SH3YL1: variants seen among roughly 807,000 people sequenced by gnomAD.
The protein encoded by SH3YL1 is SH3 and SYLF domain containing 1.
Under a neutral mutation model 45.8 loss-of-function variants are expected in SH3YL1, and 41 were observed. The ratio of observed to expected loss-of-function variants is 0.89; its 90% CI spans 0.70 to 1.16. The LOEUF (loss-of-function observed/expected upper bound fraction) is 1.16. Among genes scored for constraint, SH3YL1 ranks in the 50% most tolerant of loss-of-function variants. The probability of loss-of-function intolerance (pLI) is 0.00; values close to 1 mark genes in which losing one functional copy is unlikely to be tolerated. For missense variants in SH3YL1, 389 were observed against 409.6 expected, an observed-to-expected ratio of 0.95 and a Z score of 0.43; for synonymous variants, 152 against 151.4, an observed-to-expected ratio of 1.00 and a Z score of -0.03.
At chr2:226,031 GA>G (rs1667772154) in intron 8 of SH3YL1, among the ~76,000 whole-genome samples, 1 of 152,044 alleles carries the variant, frequency 6.6e-6, no homozygotes, top group African/African-American at 2.4e-5. Context: ...GGGAGGAGGG[GA>G]AAATTAGGAA....
intron 4 of SH3YL1, chr2:243,689 T>C: frequency 9.6e-7 from 1 of 1,046,980 alleles, no homozygotes. Flanking sequence ...CCTTAGTACC[T>C]TAAGTTTCTT....
intron 8 of SH3YL1, among the ~76,000 whole-genome samples, chr2:229,718 G>A (rs1462580386): frequency 2.8e-5 from 3 of 106,078 alleles, no homozygotes; most frequent in African/African-American, 1.1e-4. Context: ...GACAGAGCGA[G>A]ACTCCGTCTC....
At chr2:222,875 C>T (rs1217749462) in intron 9 of SH3YL1, 1 of 152,184 alleles carries the variant, frequency 6.6e-6, no homozygotes, top group Non-Finnish European at 1.5e-5. Context: ...GGCCCTGGGG[C>T]CATGTAACTG....
intron 9 of SH3YL1, chr2:222,563 G>C (rs1270410873): frequency 6.6e-6 from 1 of 152,228 alleles, no homozygotes; most frequent in East Asian, 1.9e-4. Flanking sequence ...GTAAGAGGAC[G>C]GGGAAGAATG....
At chr2:254,089 T>C (rs1205914771) in intron 1 of SH3YL1, among the ~76,000 whole-genome samples, 1 of 152,006 alleles carries the variant, frequency 6.6e-6, no homozygotes. Context: ...AATTTAAAAA[T>C]ATATTTTGTA....
chr2:254,481 C>A (rs960034642), intron 1 of SH3YL1, among the ~76,000 whole-genome samples: 1 of 152,176 alleles, frequency 6.6e-6, no homozygotes, highest in Non-Finnish European at 1.5e-5. Context: ...GAGGCACATG[C>A]GTGACTGACT....
At position 234,233 on chromosome 2, in the gene SH3YL1, C is replaced by T. The variant is rs772730552; in HGVS notation, c.331G>A (p.Val111Ile). 18 of 1,614,146 alleles carry T rather than the reference C, an allele frequency of 1.1e-5. No homozygotes were observed. Among genetic ancestry groups the T allele is most frequent in the Non-Finnish European group, 1.5e-5 (18 of 1,180,012 alleles). The change falls in exon 5 of 10, where the codon GTA (valine) becomes ATA (isoleucine). Residue 111 changes from valine (V) to isoleucine (I), a missense_variant. By Grantham distance (29) the Val-to-Ile change is conservative. Coordinates refer to ENST00000356150, the MANE Select transcript of SH3YL1 (RefSeq NM_015677.4). ...LVIILNYDRA[V>I]EAFAKGGNLT... ...TTTCCGCCTTTTGCAAAAGCTTCTA[C>T]AGCACGGTCATAATTCAGAATTATC...
At chr2:244,028 G>A (rs1011482987) in intron 4 of SH3YL1, among the ~76,000 whole-genome samples, 2 of 152,102 alleles carry the variant, frequency 1.3e-5, no homozygotes, top group African/African-American at 2.4e-5. Flanking sequence ...TCTGTCTTTC[G>A]AATAACATGC....
rs570123220 is a variant in SH3YL1 at position 256,125 on chromosome 2, C to G, written c.2-3010G>C. ...AGGTTAGTGCCAATCTGATTTCTGT[C>G]ATTAAGTATGAATTTTGTCTGTGCC... is the stretch of plus-strand genomic sequence containing the variant. On this transcript the variant is annotated intron_variant, in intron 1 of 9. Coordinates refer to ENST00000356150, the MANE Select transcript of SH3YL1 (RefSeq NM_015677.4). The G allele has an allele frequency of 2.0e-5, 3 of 152,332 alleles. 1 individual carries two copies. In the South Asian group the frequency reaches 6.2e-4, roughly 32 times the overall value. 9.4% of individuals were successfully genotyped at this position (152,332 alleles called of 1,614,324 possible). A position where few individuals can be genotyped will look rare whatever the true frequency, so the allele number is the denominator to read the frequency against.
In SH3YL1 at chr2:242,577, C is replaced by G. The variant is rs560353621; in HGVS notation, c.291+4961G>C. On this transcript the variant is annotated intron_variant, in intron 4 of 9. Coordinates refer to ENST00000356150, the MANE Select transcript of SH3YL1 (RefSeq NM_015677.4). ...TACAAAATGTTCACTTAATTGAAAA[C>G]AGTAAAGTGGAAACAGAGGGACAAA... is the stretch of plus-strand genomic sequence containing the variant. Among the ~76,000 whole-genome samples, 45 of 151,812 alleles carry G rather than the reference C, an allele frequency of 3.0e-4. 1 individual carries two copies. The highest frequency in any genetic ancestry group is 5.2e-4 in the Non-Finnish European group (35 of 67,912).
At chr2:239,209 A>C (rs1349676957) in intron 4 of SH3YL1, among the ~76,000 whole-genome samples, 7 of 152,214 alleles carry the variant, frequency 4.6e-5, no homozygotes, top group Admixed American at 4.6e-4. Flanking sequence ...TTAAGACTGC[A>C]ATCTTTTTCC....
At chr2:219,743 T>C (rs1029845123) in intron 9 of SH3YL1, among the ~76,000 whole-genome samples, 1 of 152,188 alleles carries the variant, frequency 6.6e-6, no homozygotes, top group Admixed American at 6.5e-5. Flanking sequence ...GGCTCTTTAC[T>C]CACTGGGCTT....
intron 5 of SH3YL1, among the ~76,000 whole-genome samples, chr2:233,882 A>C (rs1051561694): frequency 5.9e-5 from 9 of 152,168 alleles, no homozygotes; most frequent in African/African-American, 2.2e-4. Flanking sequence ...GCTCTCTCAA[A>C]GCTTAAGGTG....
chr2:223,868 A>G (rs938490386), intron 9 of SH3YL1, among the ~76,000 whole-genome samples: 7 of 152,198 alleles, frequency 4.6e-5, no homozygotes, highest in Admixed American at 6.5e-5. Context: ...AACATCTGGG[A>G]AAAACACTGG....
chr2:228,627 T>C (rs555079089), intron 8 of SH3YL1, among the ~76,000 whole-genome samples: 4 of 152,306 alleles, frequency 2.6e-5, no homozygotes, highest in East Asian at 3.9e-4. Context: ...AGTGCTCATA[T>C]CTCATTAGTC....
intron 9 of SH3YL1, among the ~76,000 whole-genome samples, chr2:221,667 T>C (rs1558231507): frequency 6.6e-6 from 1 of 152,160 alleles, no homozygotes; most frequent in African/African-American, 2.4e-5. Flanking sequence ...GAGGCTAAGA[T>C]GTGTGTTGAC....
chr2:252,874 G>T, intron 2 of SH3YL1, 131 bp downstream of exon 2: 1 of 606,850 alleles, frequency 1.6e-6, no homozygotes. Context: ...AAAGGTGGTG[G>T]AACAAAAGGT....
chr2:222,927 C>A (rs1346103226), intron 9 of SH3YL1: 1 of 152,176 alleles, frequency 6.6e-6, no homozygotes, highest in Non-Finnish European at 1.5e-5. Flanking sequence ...ATGAGGAAAT[C>A]CTTGGTAAGA....
chr2:238,825 T>G (rs1394247120), intron 4 of SH3YL1, among the ~76,000 whole-genome samples: 1 of 152,170 alleles, frequency 6.6e-6, no homozygotes, highest in African/African-American at 2.4e-5. Context: ...CCACAAAAAC[T>G]TCCCCCTCCC....
Sources: gnomAD v4.1 joint callset for allele counts (sites outside exome capture counted in the v4.1 genomes callset) on GRCh38, gnomAD v4.1.1 for gene constraint, MANE v1.5 for transcripts, NCBI Gene and HGNC (gene_info 2026-07-23, HGNC 2026-07-21) for gene names.